Variants in RAB40C observed in about 807,000 individuals in gnomAD.
The protein encoded by RAB40C is RAB40C, member RAS oncogene family, also known as ras-related protein Rab-40C.
RAB40C carries 8 observed loss-of-function variants against 28.1 expected under a neutral mutation model. The ratio of observed to expected loss-of-function variants is 0.28; its 90% CI spans 0.17 to 0.51. The LOEUF (loss-of-function observed/expected upper bound fraction) is 0.51. Ranked by LOEUF, RAB40C falls within the 20% of genes least tolerant of loss-of-function variation. The pLI is 0.97. For missense variants in RAB40C, 288 were observed against 405.9 expected, an observed-to-expected ratio of 0.71 and a Z score of 2.50; for synonymous variants, 201 against 171.7, an observed-to-expected ratio of 1.17 and a Z score of -1.34.
At position 590,247 on chromosome 16, in the gene RAB40C, C is replaced by G; in HGVS notation, c.-45C>G. 6 of 1,364,710 alleles carry G rather than the reference C, an allele frequency of 4.4e-6. No individual in the cohort carries two copies. Among genetic ancestry groups the G allele is most frequent in the Non-Finnish European group, 5.7e-6 (6 of 1,046,596 alleles). The allele number at this position is 1,364,710 out of a possible 1,614,324, so 84.5% of individuals were successfully genotyped here. A position where few individuals can be genotyped will look rare whatever the true frequency, so the allele number is the denominator to read the frequency against. On this transcript the variant is annotated 5_prime_UTR_variant, in exon 1 of 6. Coordinates refer to ENST00000248139, the MANE Select transcript of RAB40C (RefSeq NM_021168.5). Reference sequence around the variant, plus strand: ...TCTCTCACGCCGCGGCCTCACCCGGCGGTGCTTCGGCAGGCGGCCGGCGCG... The same window carrying G: ...TCTCTCACGCCGCGGCCTCACCCGGGGGTGCTTCGGCAGGCGGCCGGCGCG...
rs564640476 is a variant in RAB40C at position 624,205 on chromosome 16, C to A, written c.265-1227C>A. 5.7e-5 allele frequency: 56 copies of A among 985,304 alleles called. No individual in the cohort carries two copies. In the Admixed American group the frequency reaches 1.4e-3, roughly 25 times the overall value. 61.0% of individuals were successfully genotyped at this position (985,304 alleles called of 1,614,324 possible). A position where few individuals can be genotyped will look rare whatever the true frequency, so the allele number is the denominator to read the frequency against. ...GCTTGCCATGCGGGAGGTTGCCATG[C>A]GGGAGGTTGCCACTAGGGAGAGTGG... On this transcript the variant is annotated intron_variant, in intron 3 of 5. Transcript: ENST00000248139.
At chr16:601,200 T>A (rs1446533181) in intron 1 of RAB40C, among the ~76,000 whole-genome samples, 5 of 152,204 alleles carry the variant, frequency 3.3e-5, no homozygotes, top group African/African-American at 1.2e-4. Flanking sequence ...AAAATTGTAG[T>A]ACCAAAAACT....
intron 3 of RAB40C, among the ~76,000 whole-genome samples, chr16:621,705 G>T (rs1001362366): frequency 2.0e-5 from 3 of 152,238 alleles, no homozygotes; most frequent in African/African-American, 7.2e-5. Context: ...TGTGGAGGGT[G>T]GGGTAGGCTC....
chr16:611,451 A>G (rs7198884), intron 1 of RAB40C, among the ~76,000 whole-genome samples: 34,506 of 152,222 alleles, frequency 0.23, 4,848 homozygotes, highest in East Asian at 0.6. Context: ...GGGGGCTTCA[A>G]CAGCCAGGAC....
intron 4 of RAB40C, 138 bp downstream of exon 4, chr16:625,647 G>C: frequency 1.0e-6 from 1 of 962,254 alleles, no homozygotes; most frequent in Non-Finnish European, 1.6e-6. Flanking sequence ...CACGGCCTAC[G>C]CCTGGGCATG....
Position 610,516 on chromosome 16 carries a change from T to A in RAB40C, c.143-6692T>A, listed in dbSNP as rs549157597. Among the ~76,000 whole-genome samples the A allele has an allele frequency of 3.3e-5, 5 of 152,124 alleles. No individual in the cohort carries two copies. Among genetic ancestry groups the A allele is most frequent in the Non-Finnish European group, 4.4e-5 (3 of 68,018 alleles). ...GCCCTTGCCTTTTCACTGAGCCGGG[T>A]ATTAGCTTAGCTTATTTTTGAAAAG... On this transcript the variant is annotated intron_variant, in intron 1 of 5. Transcript: ENST00000248139. This position sits in a 1 kb window ranked among gnomAD's most constrained non-coding sequence, Gnocchi z 4.6.
At chr16:603,231 C>T (rs2036292471) in intron 1 of RAB40C, among the ~76,000 whole-genome samples, 1 of 152,242 alleles carries the variant, frequency 6.6e-6, no homozygotes, top group Non-Finnish European at 1.5e-5. Context: ...CGCAGGAAAC[C>T]AGTCCACAAA....
At chr16:606,536 C>T (rs903322038) in intron 1 of RAB40C, among the ~76,000 whole-genome samples, 3 of 152,128 alleles carry the variant, frequency 2.0e-5, no homozygotes, top group Non-Finnish European at 4.4e-5. Context: ...GTGGGTTTCC[C>T]TGGGCTGAAG....
intron 1 of RAB40C, among the ~76,000 whole-genome samples, chr16:616,463 C>T (rs912541276): frequency 4.6e-5 from 7 of 151,778 alleles, no homozygotes; most frequent in African/African-American, 1.2e-4. Flanking sequence ...CTCAGCCTCC[C>T]GAGTAGCTGG....
chr16:615,580 C>A (rs981217794), intron 1 of RAB40C, among the ~76,000 whole-genome samples: 4 of 152,188 alleles, frequency 2.6e-5, no homozygotes. Context: ...AGATGTCGTG[C>A]CTGCGTTAAG....
rs2036893558 is a variant in RAB40C, at chr16:628,638, C to T, written c.*1016C>T. ...GGCTAGGCCCCTCCTCAAAGGCCCA[C>T]CAGCCCGGCGCTCATGCTGAGCCCC... On this transcript the variant is annotated 3_prime_UTR_variant, in exon 6 of 6. Transcript: ENST00000248139. 1 of 152,560 alleles carries T rather than the reference C, an allele frequency of 6.6e-6. No individual in the cohort carries two copies. The highest frequency in any genetic ancestry group is 2.4e-5 in the African/African-American group (1 of 41,476). 9.5% of individuals were successfully genotyped at this position (152,560 alleles called of 1,614,324 possible). A position where few individuals can be genotyped will look rare whatever the true frequency, so the allele number is the denominator to read the frequency against.
intron 3 of RAB40C, among the ~76,000 whole-genome samples, chr16:618,730 G>A (rs1269517947): frequency 3.4e-5 from 5 of 148,668 alleles, no homozygotes; most frequent in African/African-American, 1.3e-4. Flanking sequence ...GTGTGTGCAG[G>A]CATGTGCACA....
Position 627,701 on chromosome 16 carries a change from C to T in RAB40C, c.*79C>T, listed in dbSNP as rs568669000. 7,667 of 1,452,900 alleles carry T rather than the reference C, an allele frequency of 5.3e-3. 32 individuals are homozygous for T. The highest frequency in any genetic ancestry group is 6.5e-3 in the Non-Finnish European group (7,051 of 1,090,760). 90.0% of individuals were successfully genotyped at this position (1,452,900 alleles called of 1,614,324 possible). A position where few individuals can be genotyped will look rare whatever the true frequency, so the allele number is the denominator to read the frequency against. ...TCCTGGCTGGACGCCAGGCCAGTGC[C>T]GCCTACGTGGAGACTGTCCACACAG... On this transcript the variant is annotated 3_prime_UTR_variant, in exon 6 of 6. Coordinates refer to ENST00000248139, the MANE Select transcript of RAB40C (RefSeq NM_021168.5).
Position 625,340 on chromosome 16 carries a change from C to A in RAB40C, c.265-92C>A. 4 of 1,546,918 alleles carry A rather than the reference C, an allele frequency of 2.6e-6. No homozygotes were observed. The highest frequency in any genetic ancestry group is 3.5e-6 in the Non-Finnish European group (4 of 1,132,872). ...AGTAATAAGCATCCTTGGCCCTGCC[C>A]GGGAACTGAGGCCCCTGCACCTGAG... On this transcript the variant is annotated intron_variant, in intron 3 of 5. Coordinates refer to ENST00000248139, the MANE Select transcript of RAB40C (RefSeq NM_021168.5).
chr16:624,212 T>G, intron 3 of RAB40C: 1 of 984,568 alleles, frequency 1.0e-6, no homozygotes, highest in Non-Finnish European at 1.2e-6. Context: ...ATGCGGGAGG[T>G]TGCCACTAGG....
chr16:624,336 G>C, intron 3 of RAB40C: 1 of 985,472 alleles, frequency 1.0e-6, no homozygotes, highest in Non-Finnish European at 1.2e-6. Context: ...GTTAACCCCT[G>C]GGTGTGCATT....
intron 1 of RAB40C, among the ~76,000 whole-genome samples, chr16:609,918 C>A (rs1467384455): frequency 6.6e-6 from 1 of 152,068 alleles, no homozygotes; most frequent in Non-Finnish European, 1.5e-5. Context: ...CTGCAAGGGC[C>A]ACAGAGTACG....
rs370206056 is a variant in RAB40C, at chr16:593,042, C to T, written c.142+2609C>T. On this transcript the variant is annotated intron_variant, in intron 1 of 5. Transcript: ENST00000248139. Reference sequence around the variant, plus strand: ...AAAGACACCACGTGCTCTCAGGGCCCGGGGCACACTTCCAGGTCCCCGCAG... The same window carrying T: ...AAAGACACCACGTGCTCTCAGGGCCTGGGGCACACTTCCAGGTCCCCGCAG... Among the ~76,000 whole-genome samples the T allele has an allele frequency of 4.6e-4, 70 of 152,330 alleles. 1 individual carries two copies. The East Asian group carries it at 7.3e-3, about 16-fold the overall frequency.
chr16:624,365 T>G, intron 3 of RAB40C: 1 of 985,482 alleles, frequency 1.0e-6, no homozygotes, highest in Non-Finnish European at 1.2e-6. Context: ...CTGAATCTTA[T>G]CATTTATCGC....
Sources: gnomAD v4.1 joint callset for allele counts (sites outside exome capture counted in the v4.1 genomes callset) on GRCh38, gnomAD v4.1.1 for gene constraint, Gnocchi (gnomAD v3.1) non-coding constraint, MANE v1.5 for transcripts, NCBI Gene and HGNC (gene_info 2026-07-23, HGNC 2026-07-21) for gene names.